Variants in RHOT1 observed in about 807,000 individuals in gnomAD.
RHOT1 encodes mitochondrial Rho GTPase 1.
A neutral mutation model predicts 95.3 loss-of-function variants in RHOT1; 27 were observed. The observed-to-expected ratio is 0.28, with a 90% CI of 0.21 to 0.39. The LOEUF (loss-of-function observed/expected upper bound fraction) is 0.39, where lower values mean the gene tolerates loss of function less well. Ranked by LOEUF, RHOT1 falls within the 10% of genes least tolerant of loss-of-function variation. The pLI, the probability that RHOT1 is intolerant of heterozygous loss-of-function variation, is 1.00. For missense variants in RHOT1, 578 were observed against 786.7 expected (o/e 0.73, Z 3.17); for synonymous variants, 227 against 263.5 (o/e 0.86, Z 1.34).
At chr17:32,213,854 C>T (rs899710056) in intron 19 of RHOT1, among the ~76,000 whole-genome samples, 1 of 152,148 alleles carries the variant, frequency 6.6e-6, no homozygotes, top group Non-Finnish European at 1.5e-5. Flanking sequence ...TGAAATAGGA[C>T]AGATGTGCAT....
At chr17:32,149,635 A>ATATATATATATATG (rs1445281403) in intron 1 of RHOT1, among the ~76,000 whole-genome samples, 16 of 59,084 alleles carry the variant, frequency 2.7e-4, no homozygotes, top group Non-Finnish European at 5.1e-4. Context: ...ATATATATAT[A>ATATATATATATATG]TGTGTGTGTG....
intron 6 of RHOT1, among the ~76,000 whole-genome samples, chr17:32,180,523 G>T (rs1289335284): frequency 1.3e-5 from 2 of 151,410 alleles, no homozygotes; most frequent in Non-Finnish European, 2.9e-5. Flanking sequence ...CACTGTGTAG[G>T]AAAACCAGAG....
At chr17:32,146,587 A>G (rs1337223725) in intron 1 of RHOT1, among the ~76,000 whole-genome samples, 2 of 148,216 alleles carry the variant, frequency 1.3e-5, no homozygotes, top group South Asian at 2.1e-4. Context: ...CTGGGACTAC[A>G]GGTGCCCACC....
Position 32,149,607 on chromosome 17 carries a change from A to ATG in RHOT1, c.37+6879_37+6880insGT, listed in dbSNP as rs1567648997. ...CCAGCAGTTCTATATATATATATAT[A>ATG]TATATATATATATATATATATATAT... On this transcript the variant is annotated intron_variant, in intron 1 of 19. Coordinates refer to ENST00000545287, the MANE Select transcript of RHOT1 (RefSeq NM_001033566.3). Among the ~76,000 whole-genome samples the ATG allele has an allele frequency of 1.0e-3, 78 of 77,674 alleles. 1 individual carries two copies. The highest frequency in any genetic ancestry group is 6.4e-3 in the African/African-American group (76 of 11,892). The allele number at this position is 77,674 out of a possible 152,430, so 51.0% of individuals were successfully genotyped here. A position where few individuals can be genotyped will look rare whatever the true frequency, so the allele number is the denominator to read the frequency against.
intron 1 of RHOT1, among the ~76,000 whole-genome samples, chr17:32,149,591 C>CTATATATATATATA (rs1162059092): frequency 1.7e-4 from 9 of 52,686 alleles, no homozygotes; most frequent in African/African-American, 2.4e-4. Context: ...CCCAGCAGTT[C>CTATATATATATATA]TATATATATA....
At chr17:32,160,455 G>A (rs1169804723) in intron 1 of RHOT1, 1 of 152,408 alleles carries the variant, frequency 6.6e-6, no homozygotes, top group Non-Finnish European at 1.5e-5. Flanking sequence ...TAAAAGAGCT[G>A]TAACACAAAC....
rs1173654838 is a variant in RHOT1 at position 32,142,667 on chromosome 17, G to A, written c.-26G>A. The A allele has an allele frequency of 6.6e-7, 1 of 1,525,442 alleles. No homozygotes were observed. Among genetic ancestry groups the A allele is most frequent in the Admixed American group, 2.1e-5 (1 of 48,044 alleles). The allele number at this position is 1,525,442 out of a possible 1,614,324, so 94.5% of individuals were successfully genotyped here. The stretch of plus-strand genomic sequence containing the variant: ...GGAGTCCACTCCGTGCGTGCGGGCG[G>A]AGGCCGGCCCCCGAGAGCCGCCGAC... On this transcript the variant is annotated 5_prime_UTR_variant, in exon 1 of 20. Coordinates refer to ENST00000545287, the MANE Select transcript of RHOT1 (RefSeq NM_001033566.3).
intron 8 of RHOT1, among the ~76,000 whole-genome samples, chr17:32,183,683 GT>G (rs1333415720): frequency 6.6e-6 from 1 of 151,860 alleles, no homozygotes; most frequent in Non-Finnish European, 1.5e-5. Context: ...TTTTGTTTTT[GT>G]TTTTTTTCTT....
At chr17:32,147,576 A>G (rs1193839303) in intron 1 of RHOT1, among the ~76,000 whole-genome samples, 2 of 152,068 alleles carry the variant, frequency 1.3e-5, no homozygotes, top group East Asian at 1.9e-4. Context: ...GTAATCCCAC[A>G]CTTTGGGAGG....
intron 11 of RHOT1, 65 bp downstream of exon 11, chr17:32,194,172 A>G (rs933685584): frequency 3.2e-5 from 50 of 1,544,874 alleles, no homozygotes; most frequent in Admixed American, 5.2e-5. Context: ...GGATCTCACT[A>G]TGTTTCCCAG....
chr17:32,207,139 T>A, intron 17 of RHOT1, 110 bp downstream of exon 17: 1 of 999,366 alleles, frequency 1.0e-6, no homozygotes, highest in Non-Finnish European at 1.5e-6. Flanking sequence ...ATGTGTATTT[T>A]AAAAATACAT....
At chr17:32,203,269 C>CTTTTTTTTTT (rs940216011) in intron 15 of RHOT1, among the ~76,000 whole-genome samples, 29 of 72,330 alleles carry the variant, frequency 4.0e-4, no homozygotes, top group Non-Finnish European at 5.3e-4. Flanking sequence ...TCTTCTTCTT[C>CTTTTTTTTTT]TTTTTTTTTT....
chr17:32,146,735 G>A (rs1405770009), intron 1 of RHOT1, among the ~76,000 whole-genome samples: 2 of 145,876 alleles, frequency 1.4e-5, no homozygotes, highest in Non-Finnish European at 3.0e-5. Context: ...TGGGATTACA[G>A]GAGTGAGCCA....
In RHOT1 at chr17:32,142,605, G is replaced by A. The variant is rs1417180224; in HGVS notation, c.-88G>A. On this transcript the variant is annotated 5_prime_UTR_variant, in exon 1 of 20. Transcript: ENST00000545287. The stretch of plus-strand genomic sequence containing the variant: ...GCGGGCCCCGGCGGCCGAAGAGGCT[G>A]GCAGGTGGCGCCGTGGGGTGGGTGC... 9 of 1,213,696 alleles carry A rather than the reference G, an allele frequency of 7.4e-6. No homozygotes were observed. Among genetic ancestry groups the A allele is most frequent in the Non-Finnish European group, 9.8e-6 (9 of 915,874 alleles). The allele number at this position is 1,213,696 out of a possible 1,614,324, so 75.2% of individuals were successfully genotyped here. A position where few individuals can be genotyped will look rare whatever the true frequency, so the allele number is the denominator to read the frequency against.
chr17:32,211,907 GA>G (rs2038159323), intron 19 of RHOT1, among the ~76,000 whole-genome samples: 1 of 150,952 alleles, frequency 6.6e-6, no homozygotes, highest in African/African-American at 2.4e-5. Flanking sequence ...TTTTAAGAAA[GA>G]AAGAGAAAAA....
At chr17:32,168,969 A>G (rs1343749635) in intron 1 of RHOT1, among the ~76,000 whole-genome samples, 2 of 152,180 alleles carry the variant, frequency 1.3e-5, no homozygotes, top group African/African-American at 2.4e-5. Flanking sequence ...GTGAAATGTG[A>G]CCTGTGGTCA....
chr17:32,197,230 A>T (rs2036955032), intron 11 of RHOT1, among the ~76,000 whole-genome samples: 1 of 151,540 alleles, frequency 6.6e-6, no homozygotes, highest in Non-Finnish European at 1.5e-5. Context: ...CTAGCTCAGT[A>T]CATTTGCTTT....
intron 8 of RHOT1, among the ~76,000 whole-genome samples, chr17:32,185,945 C>T (rs1175913477): frequency 6.6e-6 from 1 of 151,850 alleles, no homozygotes; most frequent in East Asian, 1.9e-4. Context: ...TGGTCTCAAA[C>T]TCCTGGCTCA....
intron 1 of RHOT1, chr17:32,160,039 CAGA>C (rs1045233219): frequency 6.6e-5 from 10 of 152,296 alleles, no homozygotes; most frequent in African/African-American, 2.2e-4. Flanking sequence ...TCTGCCAGAC[CAGA>C]AGAGAGACGA....
Sources: allele counts gnomAD v4.1 joint callset (sites outside exome capture counted in the v4.1 genomes callset), GRCh38; gene constraint gnomAD v4.1.1; transcripts MANE v1.5; gene names NCBI Gene and HGNC (gene_info 2026-07-23, HGNC 2026-07-21).